The following ZNF619 variants were observed in gnomAD, a reference collection of about 807,000 sequenced individuals.
ZNF619 encodes the protein zinc finger protein 619.
Under a neutral mutation model 14.2 loss-of-function variants are expected in ZNF619, and 9 were observed. The ratio of observed to expected loss-of-function variants is 0.64; its 90% CI spans 0.38 to 1.11. The LOEUF (loss-of-function observed/expected upper bound fraction) is 1.11. Among genes scored for constraint, ZNF619 ranks in the 50% least tolerant of loss-of-function variants. ZNF619 has a pLI of 0.01. For missense variants in ZNF619, 659 were observed against 680.1 expected (o/e 0.97, Z 0.34); for synonymous variants, 246 against 252.8 (o/e 0.97, Z 0.26).
At chr3:40,483,297 T>G (rs1214815531) in intron 4 of ZNF619, among the ~76,000 whole-genome samples, 1 of 151,946 alleles carries the variant, frequency 6.6e-6, no homozygotes, top group African/African-American at 2.4e-5. Context: ...TTTTGGTTTT[T>G]TTTTTTTTTT....
chr3:40,486,722 T>G, intron 4 of ZNF619, 84 bp from the exon 5 acceptor site: 2 of 1,070,656 alleles, frequency 1.9e-6, no homozygotes, highest in Non-Finnish European at 2.7e-6. Flanking sequence ...AAAATTCATG[T>G]GTCTAGGGCA....
Position 40,477,983 on chromosome 3 carries a change from C to G in ZNF619, c.4C>G (p.Leu2Val), listed in dbSNP as rs1697251232. Residue 2 changes from leucine to valine, a missense_variant, in exon 2 of 5, where the codon CTC becomes GTC. Physicochemically the swap from Leu to Val is conservative, Grantham distance 32 (BLOSUM62 1). Coordinates refer to ENST00000432264, the MANE Select transcript of ZNF619 (RefSeq NM_001145093.4). ...ATGAAGCCAGGGGTCATCAGCCATG[C>G]TCCAGACAGTGTGGTTCCAGGTGAG... M[L>V]QTVWFQGLGR... The G allele has an allele frequency of 6.4e-6, 10 of 1,554,606 alleles. No individual in the cohort carries two copies. The highest frequency in any genetic ancestry group is 8.7e-6 in the Non-Finnish European group (10 of 1,148,174).
At chr3:40,482,527 A>G (rs993609494) in intron 3 of ZNF619, 61 bp from the exon 4 acceptor site, 36 of 1,569,154 alleles carry the variant, frequency 2.3e-5, no homozygotes, top group Middle Eastern at 1.7e-4. Flanking sequence ...AGCAGAGTGT[A>G]GTCTGAGGGA....
chr3:40,487,935 G>T lies in ZNF619; in HGVS notation c.1425G>T (p.Gln475His). Residue 475 changes from glutamine (Q) to histidine (H), a missense_variant, in exon 5 of 5, where the codon CAG becomes CAT. Coordinates refer to ENST00000432264, the MANE Select transcript of ZNF619 (RefSeq NM_001145093.4). ...FRWNASFIQH[Q>H]KWHTRKKLIN... Reference sequence around the variant, plus strand: ...GGAATGCAAGTTTCATCCAGCATCAGAAGTGGCATACTAGGAAGAAACTCA... The same window carrying T: ...GGAATGCAAGTTTCATCCAGCATCATAAGTGGCATACTAGGAAGAAACTCA... 6.2e-7 allele frequency: 1 copy of T among 1,614,210 alleles called. No individual in the cohort carries two copies. Among genetic ancestry groups the T allele is most frequent in the Non-Finnish European group, 8.5e-7 (1 of 1,180,048 alleles).
In ZNF619 at chr3:40,489,533, GC is replaced by G. The variant is rs1415480553; in HGVS notation, c.*1294del. The G allele has an allele frequency of 6.6e-6, 1 of 151,980 alleles. No homozygotes were observed. The highest frequency in any genetic ancestry group is 1.5e-5 in the Non-Finnish European group (1 of 68,082). 9.4% of individuals were successfully genotyped at this position (151,980 alleles called of 1,614,324 possible). Reference sequence around the variant, plus strand: ...CAAAGTGCTGGGATTACAGGCTTGAGCCACCATGTCCAGCCTCTATTCCTTT... The same window carrying G: ...CAAAGTGCTGGGATTACAGGCTTGAGCACCATGTCCAGCCTCTATTCCTTT... On this transcript the variant is annotated 3_prime_UTR_variant, in exon 5 of 5. Transcript: ENST00000432264.
At position 40,485,462 on chromosome 3, in the gene ZNF619, C is replaced by T. The variant is rs538715587; in HGVS notation, c.296-1344C>T. On this transcript the variant is annotated intron_variant, in intron 4 of 4. Coordinates refer to ENST00000432264, the MANE Select transcript of ZNF619 (RefSeq NM_001145093.4). ...GATTACAGGTGCCCGCCACCACATCCGGCTAATTTTTTGTATTTTTAGTAG... is the reference window on the plus strand; with the variant it reads ...GATTACAGGTGCCCGCCACCACATCTGGCTAATTTTTTGTATTTTTAGTAG... 3.7e-4 allele frequency among the ~76,000 whole-genome samples: 56 copies of T among 152,178 alleles called. 1 individual carries two copies. The highest frequency in any genetic ancestry group is 2.7e-3 in the South Asian group (13 of 4,830).
Position 40,487,923 on chromosome 3 carries a change from C to T in ZNF619, c.1413C>T (p.Phe471=), listed in dbSNP as rs780279988. 49 of 1,614,054 alleles carry T rather than the reference C, an allele frequency of 3.0e-5. No homozygotes were observed. The Admixed American group carries it at 8.2e-4, about 27-fold the overall frequency. ...AAGCCTTCAGATGGAATGCAAGTTT[C>T]ATCCAGCATCAGAAGTGGCATACTA... The part of the protein sequence containing the change: ...CGKAFRWNAS[F]IQHQKWHTRK... Residue 471 remains phenylalanine (F), a synonymous_variant, in exon 5 of 5, where the codon TTC becomes TTT. Transcript: ENST00000432264.
chr3:40,485,681 CTGTAT>C (rs1697558788), intron 4 of ZNF619, among the ~76,000 whole-genome samples: 2 of 151,400 alleles, frequency 1.3e-5, no homozygotes, highest in African/African-American at 4.9e-5. Context: ...GTGCACATGT[CTGTAT>C]TGTTTTAGGA....
chr3:40,482,260 C>G (rs1401571185), intron 3 of ZNF619: 2 of 1,551,792 alleles, frequency 1.3e-6, no homozygotes, highest in African/African-American at 1.4e-5. Flanking sequence ...CCTCTGGATA[C>G]AGAGAGAACT....
chr3:40,482,180 T>C, intron 3 of ZNF619, 164 bp downstream of exon 3: 1 of 1,547,334 alleles, frequency 6.5e-7, no homozygotes, highest in South Asian at 1.2e-5. Flanking sequence ...AAGAGCTCGG[T>C]TCACTTTGGT....
chr3:40,478,122 T>C, intron 2 of ZNF619, 119 bp downstream of exon 2: 1 of 959,912 alleles, frequency 1.0e-6, no homozygotes, highest in East Asian at 2.7e-5. Flanking sequence ...ATAAAGTATG[T>C]AAAAACAGTA....
In ZNF619 at chr3:40,482,002, A is replaced by C; in HGVS notation, c.164A>C (p.Asn55Thr). 1 of 1,599,956 alleles carries C rather than the reference A, an allele frequency of 6.3e-7. No individual in the cohort carries two copies. Among genetic ancestry groups the C allele is most frequent in the Non-Finnish European group, 8.5e-7 (1 of 1,174,996 alleles). Residue 55 changes from asparagine (N) to threonine (T), a missense_variant, in exon 3 of 5, where the codon AAT becomes ACT. Coordinates refer to ENST00000432264, the MANE Select transcript of ZNF619 (RefSeq NM_001145093.4). ...YREVMLENYA[N>T]VTSLSAFPFP... Reference sequence around the variant, plus strand: ...GAGGTGATGCTGGAGAATTATGCAAATGTGACTTCCTTGTGTAAGTCCTCC... The same window carrying C: ...GAGGTGATGCTGGAGAATTATGCAACTGTGACTTCCTTGTGTAAGTCCTCC...
chr3:40,487,145 A>C lies in ZNF619; in HGVS notation c.635A>C (p.Tyr212Ser). The C allele has an allele frequency of 6.2e-7, 1 of 1,614,176 alleles. No homozygotes were observed. The highest frequency in any genetic ancestry group is 1.3e-5 in the African/African-American group (1 of 75,062). The part of the protein sequence containing the change: ...VFYKCGECGS[Y>S]YNPHSDFHLH... ...TATAAATGTGGTGAGTGTGGCAGTT[A>C]CTACAACCCACATTCAGACTTTCAC... is the stretch of plus-strand genomic sequence containing the variant. The change falls in exon 5 of 5, where the codon TAC becomes TCC. Residue 212 changes from tyrosine (Y) to serine (S), a missense_variant. Transcript: ENST00000432264.
chr3:40,479,980 C>T (rs538953451), intron 2 of ZNF619, among the ~76,000 whole-genome samples: 11 of 152,260 alleles, frequency 7.2e-5, no homozygotes, highest in African/African-American at 2.4e-4. Context: ...GTCAATAGCC[C>T]CACTTAATGG....
chr3:40,483,790 A>C (rs1697490246), intron 4 of ZNF619: 1 of 333,220 alleles, frequency 3.0e-6, no homozygotes, highest in Non-Finnish European at 5.8e-6. Flanking sequence ...CACCACACCC[A>C]GCTAACTTTG....
intron 3 of ZNF619, chr3:40,482,222 T>C: frequency 1.3e-6 from 2 of 1,551,476 alleles, no homozygotes; most frequent in Non-Finnish European, 1.7e-6. Context: ...CCCTGGTTCC[T>C]AATGGAGACC....
Position 40,481,849 on chromosome 3 carries a change from C to G in ZNF619, c.25-14C>G. Reference sequence around the variant, plus strand: ...TTTCCTGGAATTCAGGCCTCTCCCTCTGTTCTTGTGCAGGGCTTGGGCAGG... The same window carrying G: ...TTTCCTGGAATTCAGGCCTCTCCCTGTGTTCTTGTGCAGGGCTTGGGCAGG... On this transcript the variant is annotated splice_polypyrimidine_tract_variant and intron_variant, in intron 2 of 4. Coordinates refer to ENST00000432264, the MANE Select transcript of ZNF619 (RefSeq NM_001145093.4). 6.3e-7 allele frequency: 1 copy of G among 1,592,092 alleles called. No homozygotes were observed. Among genetic ancestry groups the G allele is most frequent in the Non-Finnish European group, 8.5e-7 (1 of 1,171,782 alleles).
intron 4 of ZNF619, among the ~76,000 whole-genome samples, chr3:40,484,641 A>G (rs779186749): frequency 1.2e-4 from 19 of 152,126 alleles, no homozygotes; most frequent in Non-Finnish European, 2.2e-4. Context: ...TACATTTTCT[A>G]TTTAGCCTGC....
chr3:40,480,793 C>T (rs947317463), intron 2 of ZNF619, among the ~76,000 whole-genome samples: 2 of 152,172 alleles, frequency 1.3e-5, no homozygotes, highest in African/African-American at 4.8e-5. Flanking sequence ...AGCCACTGTG[C>T]CCAGCCCAAA....
Sources: allele counts gnomAD v4.1 joint callset (sites outside exome capture counted in the v4.1 genomes callset), GRCh38; gene constraint gnomAD v4.1.1; transcripts MANE v1.5; gene names NCBI Gene and HGNC (gene_info 2026-07-23, HGNC 2026-07-21).